TMEM132C: variants seen among roughly 807,000 people sequenced by gnomAD.
The protein encoded by TMEM132C is transmembrane protein 132C.
TMEM132C carries 29 observed loss-of-function variants against 61.4 expected under a neutral mutation model. The observed-to-expected ratio is 0.47, with a 90% CI of 0.35 to 0.64. The LOEUF is 0.64. Ranked by LOEUF, TMEM132C falls within the 30% of genes least tolerant of loss-of-function variation. The probability of loss-of-function intolerance (pLI) is 0.00; values close to 1 mark genes in which losing one functional copy is unlikely to be tolerated. For synonymous variants in TMEM132C, 656 were observed against 633.1 expected, an observed-to-expected ratio of 1.04 and a Z score of -0.54; for missense variants, 1,408 against 1,476.9, an observed-to-expected ratio of 0.95 and a Z score of 0.76.
chr12:128,658,261 G>A (rs1016249162), intron 4 of TMEM132C, among the ~76,000 whole-genome samples: 15 of 152,218 alleles, frequency 9.9e-5, no homozygotes, highest in Non-Finnish European at 1.8e-4. Flanking sequence ...CACAAGGCAG[G>A]CACCTTTTTA....
chr12:128,405,951 G>C (rs1197786163), intron 1 of TMEM132C, among the ~76,000 whole-genome samples: 1 of 152,152 alleles, frequency 6.6e-6, no homozygotes, highest in Non-Finnish European at 1.5e-5. Context: ...TATTTTACTG[G>C]GGAAAGGAAT....
chr12:128,367,689 G>A (rs535915255), intron 1 of TMEM132C, among the ~76,000 whole-genome samples: 3 of 151,628 alleles, frequency 2.0e-5, no homozygotes, highest in South Asian at 2.1e-4. Flanking sequence ...TCCAAACTGC[G>A]ATGAGCTGTA....
intron 2 of TMEM132C, among the ~76,000 whole-genome samples, chr12:128,444,920 C>T (rs1450202758): frequency 3.3e-5 from 5 of 152,116 alleles, no homozygotes; most frequent in South Asian, 2.1e-4. Flanking sequence ...TTCAATCTGA[C>T]GGAGATAGGC....
At chr12:128,611,966 C>T (rs77684993) in intron 3 of TMEM132C, among the ~76,000 whole-genome samples, 1,572 of 152,282 alleles carry the variant, frequency 0.01, 22 homozygotes, top group African/African-American at 0.036. Context: ...GCATTTTCTT[C>T]AACTTAGACA....
At chr12:128,391,930 T>A (rs1874775573) in intron 1 of TMEM132C, among the ~76,000 whole-genome samples, 1 of 152,226 alleles carries the variant, frequency 6.6e-6, no homozygotes, top group African/African-American at 2.4e-5. Context: ...GTTACATAAA[T>A]ACTTACATAG....
chr12:128,549,668 G>A (rs1173772104), intron 3 of TMEM132C, among the ~76,000 whole-genome samples: 2 of 152,152 alleles, frequency 1.3e-5, no homozygotes, highest in East Asian at 1.9e-4. Flanking sequence ...ATGATGAACC[G>A]TGTCGTGCTC....
At chr12:128,302,036 G>C (rs1028785486) in intron 1 of TMEM132C, among the ~76,000 whole-genome samples, 2 of 152,190 alleles carry the variant, frequency 1.3e-5, no homozygotes, top group African/African-American at 4.8e-5. Context: ...ATCTCCCACT[G>C]TCTCCCTCCC....
In TMEM132C at chr12:128,397,515, A is replaced by G. The variant is rs531788695; in HGVS notation, c.86-17217A>G. 9.9e-5 allele frequency among the ~76,000 whole-genome samples: 15 copies of G among 152,244 alleles called. No individual in the cohort carries two copies. The East Asian group carries it at 2.7e-3, about 28-fold the overall frequency. On this transcript the variant is annotated intron_variant, in intron 1 of 8. Coordinates refer to ENST00000435159, the MANE Select transcript of TMEM132C (RefSeq NM_001136103.3). ...TCTATATTCCATAGAGAAACTTACAAACCACCATAAAGCAGAGCAAAAGTG... is the reference window on the plus strand; with the variant it reads ...TCTATATTCCATAGAGAAACTTACAGACCACCATAAAGCAGAGCAAAAGTG...
chr12:128,568,268 A>G (rs1184756408), intron 3 of TMEM132C, among the ~76,000 whole-genome samples: 1 of 152,218 alleles, frequency 6.6e-6, no homozygotes, highest in African/African-American at 2.4e-5. Context: ...GAAGACCTTC[A>G]GGGGCAGCCA....
intron 2 of TMEM132C, among the ~76,000 whole-genome samples, chr12:128,512,496 A>G (rs985286474): frequency 3.3e-5 from 5 of 152,080 alleles, no homozygotes; most frequent in Non-Finnish European, 4.4e-5. Flanking sequence ...TCCAGAATCT[A>G]TTTCACCAGG....
At chr12:128,505,653 C>T (rs1239475719) in intron 2 of TMEM132C, among the ~76,000 whole-genome samples, 1 of 152,188 alleles carries the variant, frequency 6.6e-6, no homozygotes, top group Non-Finnish European at 1.5e-5. Flanking sequence ...ATAGCCATTG[C>T]CCATTATTAA....
At chr12:128,287,143 G>T (rs1184495586) in intron 1 of TMEM132C, among the ~76,000 whole-genome samples, 2 of 152,184 alleles carry the variant, frequency 1.3e-5, no homozygotes, top group Non-Finnish European at 2.9e-5. Context: ...GGGTGGGGGA[G>T]TGTCCTGTGC....
intron 1 of TMEM132C, among the ~76,000 whole-genome samples, chr12:128,305,419 A>G (rs1871736593): frequency 2.0e-5 from 3 of 152,116 alleles, no homozygotes; most frequent in Non-Finnish European, 4.4e-5. Context: ...AAATTGCTCA[A>G]GAGCTGGAAG....
chr12:128,586,580 A>G (rs1664539206), intron 3 of TMEM132C, among the ~76,000 whole-genome samples: 1 of 152,134 alleles, frequency 6.6e-6, no homozygotes. Flanking sequence ...CCTTTATTTA[A>G]ATATTCCTTA....
At chr12:128,704,144 G>A (rs1175719307) in intron 8 of TMEM132C, among the ~76,000 whole-genome samples, 1 of 152,106 alleles carries the variant, frequency 6.6e-6, no homozygotes, top group Non-Finnish European at 1.5e-5. Flanking sequence ...CCTTTTTTTG[G>A]AATATTATTC....
rs150435315 is a variant in TMEM132C, at chr12:128,480,738, G to A, written c.975-63219G>A. ...GGAGTGTGACTGTGAGACCTGAACAGCCTCCCCCTGGGCCAGGCTGGTGTG... is the reference window on the plus strand; with the variant it reads ...GGAGTGTGACTGTGAGACCTGAACAACCTCCCCCTGGGCCAGGCTGGTGTG... On this transcript the variant is annotated intron_variant, in intron 2 of 8. Transcript: ENST00000435159. Among the ~76,000 whole-genome samples, 226 of 152,292 alleles carry A rather than the reference G, an allele frequency of 1.5e-3. 2 individuals are homozygous for A. Among genetic ancestry groups the A allele is most frequent in the Non-Finnish European group, 1.8e-3 (122 of 68,020 alleles).
intron 5 of TMEM132C, among the ~76,000 whole-genome samples, chr12:128,673,411 AAATGTGTGTGTGTTGTT>A (rs1451877297): frequency 6.6e-6 from 1 of 152,190 alleles, no homozygotes; most frequent in African/African-American, 2.4e-5. Flanking sequence ...TGTGAGAAAT[AAATGTGTGTGTGTTGTT>A]TAAGCCACCT....
chr12:128,686,960 G>A (rs918950957), intron 5 of TMEM132C, among the ~76,000 whole-genome samples: 1 of 152,094 alleles, frequency 6.6e-6, no homozygotes, highest in African/African-American at 2.4e-5. Flanking sequence ...AATTTAGGAG[G>A]CCAAGGTGGG....
At chr12:128,319,857 G>A (rs1017186260) in intron 1 of TMEM132C, among the ~76,000 whole-genome samples, 2 of 151,484 alleles carry the variant, frequency 1.3e-5, no homozygotes, top group African/African-American at 2.4e-5. Context: ...AAAGTGAACA[G>A]TCTTCACTGA....
Sources: allele counts gnomAD v4.1 joint callset (sites outside exome capture counted in the v4.1 genomes callset), GRCh38; gene constraint gnomAD v4.1.1; transcripts MANE v1.5; gene names NCBI Gene and HGNC (gene_info 2026-07-23, HGNC 2026-07-21).